Variants in ZNF638 observed in about 807,000 individuals in gnomAD.
ZNF638 encodes the protein zinc finger protein 638.
Under a neutral mutation model 195.6 loss-of-function variants are expected in ZNF638, and 46 were observed. The observed-to-expected ratio is 0.24, with a 90% CI of 0.19 to 0.30. The LOEUF is 0.30. Ranked by LOEUF, ZNF638 falls within the 10% of genes least tolerant of loss-of-function variation. ZNF638 has a pLI of 1.00. For synonymous variants in ZNF638, 845 were observed against 772.0 expected (o/e 1.09, Z -1.57); for missense variants, 2,440 against 2,325.3 (o/e 1.05, Z -1.01).
intron 2 of ZNF638, 62 bp downstream of exon 2, chr2:71,350,333 C>G (rs1298223106): frequency 1.9e-5 from 28 of 1,496,214 alleles, no homozygotes; most frequent in Non-Finnish European, 2.3e-5. Flanking sequence ...TCTCTAAATT[C>G]TGATATGTAT....
chr2:71,365,578 A>G lies in ZNF638; in HGVS notation c.1867A>G (p.Thr623Ala), dbSNP rs1232616351. The G allele has an allele frequency of 1.2e-6, 2 of 1,614,202 alleles. No individual in the cohort carries two copies. The highest frequency in any genetic ancestry group is 1.7e-6 in the Non-Finnish European group (2 of 1,180,022). ...TGGAACAAAACCATCAGTTAAACCT[A>G]CAAGCGCTACAAAGAGTGATTCAAA... The part of the protein sequence containing the change: ...SSGTKPSVKP[T>A]SATKSDSNLG... Residue 623 changes from threonine (T) to alanine (A), a missense_variant, in exon 6 of 28, where the codon ACA becomes GCA. By Grantham distance (58) the Thr-to-Ala change is moderately conservative (BLOSUM62 0). Transcript: ENST00000264447.
At chr2:71,387,370 GATAAAA>G (rs1448807907) in intron 10 of ZNF638, among the ~76,000 whole-genome samples, 1 of 151,846 alleles carries the variant, frequency 6.6e-6, no homozygotes, top group Admixed American at 6.5e-5. Context: ...TTTTACTTTT[GATAAAA>G]GTAAAAGCAC....
intron 2 of ZNF638, among the ~76,000 whole-genome samples, chr2:71,352,495 T>TAAAAAAAA (rs58110916): frequency 1.4e-4 from 19 of 134,544 alleles, no homozygotes; most frequent in South Asian, 7.1e-4. Flanking sequence ...ATAAAAAAAA[T>TAAAAAAAA]AAAAAAAAAA....
At position 71,349,890 on chromosome 2, in the gene ZNF638, C is replaced by T. The variant is rs1208665828; in HGVS notation, c.936C>T (p.Asn312=). ...QSVLEPIKSV[N]QSINQTVSQT... Reference sequence around the variant, plus strand: ...TCCTTGAACCCATAAAATCCGTCAACCAATCCATTAACCAAACAGTTAGCC... The same window carrying T: ...TCCTTGAACCCATAAAATCCGTCAATCAATCCATTAACCAAACAGTTAGCC... The change falls in exon 2 of 28, where the codon AAC becomes AAT. Residue 312 remains asparagine (N), a synonymous_variant. Coordinates refer to ENST00000264447, the MANE Select transcript of ZNF638 (RefSeq NM_014497.5). The T allele has an allele frequency of 5.0e-6, 8 of 1,614,080 alleles. No individual in the cohort carries two copies. In the East Asian group the frequency reaches 1.6e-4, roughly 31 times the overall value.
At chr2:71,416,857 T>C (rs2080304579) in intron 20 of ZNF638, among the ~76,000 whole-genome samples, 1 of 144,356 alleles carries the variant, frequency 6.9e-6, no homozygotes, top group Non-Finnish European at 1.5e-5. Flanking sequence ...AGCTGCGTGC[T>C]GGGAGAACCA....
At chr2:71,431,888 A>T (rs1459601238) in intron 26 of ZNF638, among the ~76,000 whole-genome samples, 1 of 152,204 alleles carries the variant, frequency 6.6e-6, no homozygotes, top group African/African-American at 2.4e-5. Flanking sequence ...ATTTTTGAAG[A>T]CAGCTTACTG....
intron 3 of ZNF638, among the ~76,000 whole-genome samples, chr2:71,358,579 T>C (rs2079060955): frequency 6.6e-6 from 1 of 152,368 alleles, no homozygotes; most frequent in East Asian, 1.9e-4. Context: ...AAGGGTTCTT[T>C]CGTTACACAG....
chr2:71,400,140 A>G lies in ZNF638; in HGVS notation c.2616A>G (p.Glu872=), dbSNP rs1353088217. The change falls in exon 14 of 28, where the codon GAA becomes GAG. Residue 872 remains glutamate, a synonymous_variant. Transcript: ENST00000264447. ...ACTCTGAAATAAAGACCAGTATTGA[A>G]GTCAAAGCCACTGAAAACTGTGCTA... ...PENSEIKTSI[E]VKATENCAKE... The G allele has an allele frequency of 6.2e-7, 1 of 1,610,028 alleles. No individual in the cohort carries two copies. Among genetic ancestry groups the G allele is most frequent in the African/African-American group, 1.3e-5 (1 of 74,858 alleles).
At chr2:71,391,266 C>T (rs562111662) in intron 10 of ZNF638, among the ~76,000 whole-genome samples, 4 of 152,242 alleles carry the variant, frequency 2.6e-5, no homozygotes, top group East Asian at 1.9e-4. Context: ...GGCCTATAGT[C>T]GATATTGACT....
intron 16 of ZNF638, among the ~76,000 whole-genome samples, chr2:71,402,571 G>A (rs926903453): frequency 3.3e-5 from 5 of 151,962 alleles, no homozygotes; most frequent in Admixed American, 3.3e-4. Context: ...GCTCTTATCA[G>A]TGATACTCAA....
chr2:71,368,371 T>A lies in ZNF638; in HGVS notation c.1996-11T>A. 1 of 1,602,748 alleles carries A rather than the reference T, an allele frequency of 6.2e-7. No individual in the cohort carries two copies. The highest frequency in any genetic ancestry group is 8.5e-7 in the Non-Finnish European group (1 of 1,176,202). On this transcript the variant is annotated splice_polypyrimidine_tract_variant and intron_variant, in intron 6 of 27. Transcript: ENST00000264447. ...TGGTTTATTTTAAATTTTCTTTCAC[T>A]CCAAAAATAGCTTCGGAAAGAACAG...
chr2:71,380,587 T>C, intron 10 of ZNF638, 22 bp downstream of exon 10: 3 of 1,579,644 alleles, frequency 1.9e-6, no homozygotes, highest in Non-Finnish European at 8.6e-7. Context: ...CTTTTAATAT[T>C]CTTTCAAATG....
At chr2:71,410,910 T>C (rs546794466) in intron 20 of ZNF638, among the ~76,000 whole-genome samples, 1 of 149,136 alleles carries the variant, frequency 6.7e-6, no homozygotes, top group East Asian at 2.0e-4. Context: ...GTGAGTAAGG[T>C]TTTTTCTTGG....
chr2:71,339,168 T>TTA (rs1553464106), intron 1 of ZNF638, among the ~76,000 whole-genome samples: 183 of 124,582 alleles, frequency 1.5e-3, no homozygotes, highest in Admixed American at 2.3e-3. Context: ...TTTTTTTTTT[T>TTA]ATTGAGACGG....
intron 17 of ZNF638, among the ~76,000 whole-genome samples, chr2:71,404,457 C>G (rs1264907681): frequency 6.6e-6 from 1 of 152,178 alleles, no homozygotes; most frequent in Non-Finnish European, 1.5e-5. Flanking sequence ...CGCTGGTGAT[C>G]CCAGCACTTT....
rs202025752 is a variant in ZNF638, at chr2:71,423,337, T to C, written c.3823T>C (p.Leu1275=). ...VEKNETVSEI[L]PSTCIVTLVP... ...AAAAAATGAAACTGTTTCGGAAATA[T>C]TGCCATCAACTTGTATTGTGACGTT... Residue 1275 remains leucine, a synonymous_variant, in exon 22 of 28, where the codon TTG becomes CTG. Coordinates refer to ENST00000264447, the MANE Select transcript of ZNF638 (RefSeq NM_014497.5). 1.4e-4 allele frequency: 225 copies of C among 1,613,778 alleles called. No individual in the cohort carries two copies. The highest frequency in any genetic ancestry group is 6.7e-5 in the African/African-American group (5 of 74,892).
rs150614233 is a variant in ZNF638 at position 71,398,810 on chromosome 2, C to T, written c.2500+38C>T. ...GGGAGGAGAGATTTTATTGTTTATTCTTTATTTATGTTTTAAATTCGTATA... is the reference window on the plus strand; with the variant it reads ...GGGAGGAGAGATTTTATTGTTTATTTTTTATTTATGTTTTAAATTCGTATA... On this transcript the variant is annotated intron_variant, in intron 12 of 27. Coordinates refer to ENST00000264447, the MANE Select transcript of ZNF638 (RefSeq NM_014497.5). 69 of 1,500,620 alleles carry T rather than the reference C, an allele frequency of 4.6e-5. No homozygotes were observed. The African/African-American group carries it at 8.1e-4, about 18-fold the overall frequency. The allele number at this position is 1,500,620 out of a possible 1,614,324, so 93.0% of individuals were successfully genotyped here.
chr2:71,396,143 A>T lies in ZNF638; in HGVS notation c.2380A>T (p.Lys794Ter). 6.2e-7 allele frequency: 1 copy of T among 1,612,834 alleles called. No individual in the cohort carries two copies. Among genetic ancestry groups the T allele is most frequent in the Non-Finnish European group, 8.5e-7 (1 of 1,179,616 alleles). Reference sequence around the variant, plus strand: ...AAATGTTTTTCTTGTTGTTTTAGCCAAAACTGGACAAGCCAAGGCATCTGT... The same window carrying T: ...AAATGTTTTTCTTGTTGTTTTAGCCTAAACTGGACAAGCCAAGGCATCTGT... ...VEIVTSTSAA[K>*]TGQAKASVAK... Residue 794 changes from lysine (K) to a stop codon, truncating the protein, a stop_gained and splice_region_variant, in exon 11 of 28, where the codon AAA becomes TAA. Transcript: ENST00000264447. LOFTEE classifies it high-confidence loss of function.
At chr2:71,414,066 C>A (rs1051925366) in intron 20 of ZNF638, among the ~76,000 whole-genome samples, 1 of 143,194 alleles carries the variant, frequency 7.0e-6, no homozygotes, top group African/African-American at 2.6e-5. Context: ...CCAGTTCCTC[C>A]TTGTACCTCT....
Sources: gnomAD v4.1 joint callset for allele counts (sites outside exome capture counted in the v4.1 genomes callset) on GRCh38, gnomAD v4.1.1 for gene constraint, MANE v1.5 for transcripts, NCBI Gene and HGNC (gene_info 2026-07-23, HGNC 2026-07-21) for gene names.